Variants in MBNL2 observed in about 807,000 individuals in gnomAD.
MBNL2 encodes muscleblind like splicing regulator 2.
A neutral mutation model predicts 41.9 loss-of-function variants in MBNL2; 17 were observed. That is an observed-to-expected ratio of 0.41 (90% CI 0.28 to 0.61). MBNL2 has a LOEUF of 0.61. MBNL2 is among the 20% of genes least tolerant of loss of function. The probability of loss-of-function intolerance (pLI) is 0.35; values close to 1 mark genes in which losing one functional copy is unlikely to be tolerated. For synonymous variants in MBNL2, 195 were observed against 182.9 expected (o/e 1.07, Z -0.53); for missense variants, 336 against 505.6 (o/e 0.66, Z 3.22).
intron 1 of MBNL2, among the ~76,000 whole-genome samples, chr13:97,262,541 C>T (rs2048842169): frequency 6.6e-6 from 1 of 152,200 alleles, no homozygotes. Flanking sequence ...TCCAAGCCTT[C>T]CTGTTTTCTG....
At chr13:97,273,931 G>A (rs946537930) in intron 1 of MBNL2, among the ~76,000 whole-genome samples, 12 of 151,974 alleles carry the variant, frequency 7.9e-5, no homozygotes, top group African/African-American at 2.7e-4. Flanking sequence ...CATGGTGGTG[G>A]GCACCAGTAA....
chr13:97,266,719 A>T (rs577280340), intron 1 of MBNL2, among the ~76,000 whole-genome samples: 2 of 152,188 alleles, frequency 1.3e-5, no homozygotes, highest in South Asian at 4.1e-4. Flanking sequence ...ATTATTTTTT[A>T]AAAATATATA....
At chr13:97,317,250 C>T (rs190485875) in intron 2 of MBNL2, among the ~76,000 whole-genome samples, 339 of 152,232 alleles carry the variant, frequency 2.2e-3, no homozygotes, top group African/African-American at 7.1e-3. Flanking sequence ...ATATGCTTTT[C>T]GCTGCTGAAC....
intron 8 of MBNL2, among the ~76,000 whole-genome samples, chr13:97,374,779 T>TA (rs1258784634): frequency 6.6e-6 from 1 of 152,182 alleles, no homozygotes; most frequent in Non-Finnish European, 1.5e-5. Context: ...TTGATGGTAG[T>TA]AAAATCATGT....
chr13:97,161,781 C>T, the MBNL2 span, among the ~76,000 whole-genome samples: 9 of 152,232 alleles, frequency 5.9e-5, no homozygotes, highest in East Asian at 3.9e-4. Context: ...CTTCAGTTGC[C>T]GTGAGCTGTA....
chr13:97,203,873 AATGGATGGATGGATGGATGGATGGATGG>A, the MBNL2 span, among the ~76,000 whole-genome samples: 3 of 149,470 alleles, frequency 2.0e-5, no homozygotes, highest in Non-Finnish European at 4.5e-5. Flanking sequence ...ATGATAAGTG[AATGGATGGATGGATGGATGGATGGATGG>A]ATGGATGGAT....
chr13:97,191,809 A>G, the MBNL2 span, among the ~76,000 whole-genome samples: 2 of 152,170 alleles, frequency 1.3e-5, no homozygotes, highest in Non-Finnish European at 2.9e-5. Context: ...AGGAAGGGGG[A>G]GCCCTCTGCA....
chr13:97,169,567 T>C, the MBNL2 span, among the ~76,000 whole-genome samples: 1 of 152,256 alleles, frequency 6.6e-6, no homozygotes, highest in Non-Finnish European at 1.5e-5. Flanking sequence ...AAATGTTTTA[T>C]TCTGAAAGCG....
the MBNL2 span, among the ~76,000 whole-genome samples, chr13:97,191,909 C>A: frequency 1.3e-5 from 2 of 152,210 alleles, no homozygotes; most frequent in Admixed American, 6.5e-5. Flanking sequence ...AAATGTTTCA[C>A]CCATGCATCG....
chr13:97,188,327 C>T, the MBNL2 span, among the ~76,000 whole-genome samples: 1 of 152,164 alleles, frequency 6.6e-6, no homozygotes, highest in Non-Finnish European at 1.5e-5. Context: ...CGGGCACTCC[C>T]AGACAAGTAC....
At chr13:97,222,141 G>T (rs1042169801), upstream of MBNL2, among the ~76,000 whole-genome samples, 1 of 152,138 alleles carries the variant, frequency 6.6e-6, no homozygotes, top group Non-Finnish European at 1.5e-5. Flanking sequence ...GCTTTCTTCT[G>T]AGAGGGAAAT....
intron 2 of MBNL2, among the ~76,000 whole-genome samples, chr13:97,299,912 G>T (rs1214061492): frequency 1.3e-5 from 2 of 152,122 alleles, no homozygotes; most frequent in African/African-American, 2.4e-5. Flanking sequence ...TAACCATATG[G>T]CCTAAACCAG....
the MBNL2 span, among the ~76,000 whole-genome samples, chr13:97,207,493 G>A: frequency 4.6e-5 from 7 of 152,122 alleles, no homozygotes; most frequent in Non-Finnish European, 5.9e-5. Flanking sequence ...AGCTCATGCA[G>A]GGGAACTCTT....
At chr13:97,317,319 C>G (rs1440215422) in intron 2 of MBNL2, among the ~76,000 whole-genome samples, 8 of 152,148 alleles carry the variant, frequency 5.3e-5, no homozygotes, top group Non-Finnish European at 4.4e-5. Context: ...AACAAAATAT[C>G]AATCCTGTAA....
At chr13:97,389,639 A>G (rs2066235004) in intron 8 of MBNL2, among the ~76,000 whole-genome samples, 1 of 152,026 alleles carries the variant, frequency 6.6e-6, no homozygotes, top group Non-Finnish European at 1.5e-5. Context: ...CCAGGAATTC[A>G]AGGCTTCAGT....
the MBNL2 span, among the ~76,000 whole-genome samples, chr13:97,156,713 C>T: frequency 0.013 from 1,881 of 148,314 alleles, 39 homozygotes; most frequent in African/African-American, 0.042. Context: ...TGTAGATATG[C>T]GGCGTTATTT....
intron 1 of MBNL2, among the ~76,000 whole-genome samples, chr13:97,265,105 G>T (rs1311039912): frequency 6.6e-6 from 1 of 152,150 alleles, no homozygotes; most frequent in East Asian, 1.9e-4. Context: ...GTAGTTTCAA[G>T]AATATATTTA....
chr13:97,166,839 G>GAAAC, the MBNL2 span, among the ~76,000 whole-genome samples: 1 of 151,270 alleles, frequency 6.6e-6, no homozygotes, highest in African/African-American at 2.4e-5. Context: ...TAGATAGATA[G>GAAAC]AAAGATAGAT....
chr13:97,234,837 T>C (rs1266994126), intron 1 of MBNL2, among the ~76,000 whole-genome samples: 2 of 152,234 alleles, frequency 1.3e-5, no homozygotes, highest in East Asian at 3.8e-4. Flanking sequence ...AACGAGCATT[T>C]TCGCAGTAGC....
Sources: allele counts gnomAD v4.1 joint callset (sites outside exome capture counted in the v4.1 genomes callset), GRCh38; gene constraint gnomAD v4.1.1; transcripts MANE v1.5; gene names NCBI Gene and HGNC (gene_info 2026-07-23, HGNC 2026-07-21).